SLC14A2: variants seen among roughly 807,000 people sequenced by gnomAD.
SLC14A2 encodes urea transporter 2.
SLC14A2 carries 91 observed loss-of-function variants against 104.6 expected under a neutral mutation model. That is an observed-to-expected ratio of 0.87 (90% CI 0.73 to 1.04). SLC14A2 has a LOEUF of 1.04. Among genes scored for constraint, SLC14A2 ranks in the 50% least tolerant of loss-of-function variants. The pLI, the probability that SLC14A2 is intolerant of heterozygous loss-of-function variation, is 0.00. For missense variants in SLC14A2, 1,189 were observed against 1,156.0 expected, an observed-to-expected ratio of 1.03 and a Z score of -0.41; for synonymous variants, 476 against 466.4, an observed-to-expected ratio of 1.02 and a Z score of -0.27.
At chr18:45,399,216 C>T (rs923224580) in intron 1 of SLC14A2, among the ~76,000 whole-genome samples, 3 of 152,154 alleles carry the variant, frequency 2.0e-5, no homozygotes, top group African/African-American at 7.2e-5. Flanking sequence ...AGTCTGGCTT[C>T]TGAGTTTATG....
intron 1 of SLC14A2, among the ~76,000 whole-genome samples, chr18:45,361,941 CTA>C (rs2085615951): frequency 6.6e-6 from 1 of 152,226 alleles, no homozygotes; most frequent in Non-Finnish European, 1.5e-5. Context: ...CCGCTTTAGA[CTA>C]TGAATCACTG....
intron 1 of SLC14A2, among the ~76,000 whole-genome samples, chr18:45,360,889 T>A (rs116220764): frequency 1.1e-4 from 16 of 152,342 alleles, no homozygotes; most frequent in African/African-American, 3.6e-4. Flanking sequence ...AAAGTTTATC[T>A]GAAACATTCC....
intron 1 of SLC14A2, among the ~76,000 whole-genome samples, chr18:45,231,264 G>T (rs1413924612): frequency 6.6e-6 from 1 of 152,104 alleles, no homozygotes; most frequent in African/African-American, 2.4e-5. Flanking sequence ...GAGTGGTGAT[G>T]AAATCATAGC....
intron 1 of SLC14A2, among the ~76,000 whole-genome samples, chr18:45,322,257 G>T (rs1056983648): frequency 6.6e-6 from 1 of 152,134 alleles, no homozygotes; most frequent in African/African-American, 2.4e-5. Flanking sequence ...GACATATACT[G>T]GTTAGGTCAA....
chr18:45,606,809 G>C (rs1458414975), intron 2 of SLC14A2, among the ~76,000 whole-genome samples: 1 of 150,082 alleles, frequency 6.7e-6, no homozygotes, highest in Non-Finnish European at 1.5e-5. Context: ...CTAATTTTTA[G>C]TTATCTAGCC....
intron 1 of SLC14A2, among the ~76,000 whole-genome samples, chr18:45,375,380 C>T (rs757334959): frequency 3.9e-5 from 6 of 152,156 alleles, no homozygotes; most frequent in Admixed American, 6.5e-5. Flanking sequence ...GCTGGCACCA[C>T]CCAGATCGAT....
At chr18:45,526,444 G>T (rs1842539384) in intron 2 of SLC14A2, among the ~76,000 whole-genome samples, 1 of 152,160 alleles carries the variant, frequency 6.6e-6, no homozygotes, top group African/African-American at 2.4e-5. Flanking sequence ...AAAAACACCA[G>T]ACTAAGTCTG....
At chr18:45,410,446 C>G (rs992669560) in intron 1 of SLC14A2, among the ~76,000 whole-genome samples, 15 of 152,030 alleles carry the variant, frequency 9.9e-5, no homozygotes, top group African/African-American at 3.6e-4. Context: ...ACTAAATATG[C>G]GTTACTGCCT....
At chr18:45,598,545 A>G (rs550901086) in intron 2 of SLC14A2, among the ~76,000 whole-genome samples, 1 of 152,352 alleles carries the variant, frequency 6.6e-6, no homozygotes, top group East Asian at 1.9e-4. Context: ...GTATTGAGAT[A>G]AATATAATGC....
intron 2 of SLC14A2, among the ~76,000 whole-genome samples, chr18:45,511,016 T>A (rs902932591): frequency 6.6e-6 from 1 of 152,092 alleles, no homozygotes; most frequent in Admixed American, 6.5e-5. Context: ...GGCCAAGAGG[T>A]CAGCCATCCA....
At chr18:45,414,757 AATATATATATATATAT>A (rs71177674) in intron 1 of SLC14A2, among the ~76,000 whole-genome samples, 6 of 76,098 alleles carry the variant, frequency 7.9e-5, no homozygotes, top group Middle Eastern at 9.1e-3. Context: ...AAAAAAAAAA[AATATATATATATATAT>A]ATATATATAT....
At chr18:45,494,719 C>A (rs1050793314) in intron 2 of SLC14A2, among the ~76,000 whole-genome samples, 1 of 151,988 alleles carries the variant, frequency 6.6e-6, no homozygotes, top group Non-Finnish European at 1.5e-5. Flanking sequence ...TCATCTTTGA[C>A]TCCTCTTTCT....
At chr18:45,576,572 T>C (rs1334067445) in intron 2 of SLC14A2, among the ~76,000 whole-genome samples, 1 of 152,034 alleles carries the variant, frequency 6.6e-6, no homozygotes, top group Non-Finnish European at 1.5e-5. Context: ...AATGAGCCAC[T>C]GGAGCAGGGG....
At chr18:45,280,566 T>C (rs1162258069) in intron 1 of SLC14A2, among the ~76,000 whole-genome samples, 1 of 152,160 alleles carries the variant, frequency 6.6e-6, no homozygotes, top group Non-Finnish European at 1.5e-5. Context: ...GTCTCCATTC[T>C]GGGTGATGTG....
At chr18:45,588,758 AG>A (rs1299694893) in intron 2 of SLC14A2, among the ~76,000 whole-genome samples, 4 of 152,202 alleles carry the variant, frequency 2.6e-5, no homozygotes, top group Non-Finnish European at 5.9e-5. Context: ...AAAGCATTAG[AG>A]GGCCCAGAGG....
At chr18:45,614,446 C>T (rs2045025974), upstream of SLC14A2, among the ~76,000 whole-genome samples, 1 of 152,116 alleles carries the variant, frequency 6.6e-6, no homozygotes, top group Non-Finnish European at 1.5e-5. Flanking sequence ...ACTCCAGACC[C>T]CAGAATGGTA....
chr18:45,558,980 G>A (rs539552376), intron 2 of SLC14A2, among the ~76,000 whole-genome samples: 17 of 152,018 alleles, frequency 1.1e-4, no homozygotes, highest in South Asian at 2.1e-4. Context: ...TAGTAGAGAC[G>A]GGGTTTCACC....
intron 1 of SLC14A2, among the ~76,000 whole-genome samples, chr18:45,255,617 G>A (rs2144086137): frequency 6.6e-6 from 1 of 152,322 alleles, no homozygotes; most frequent in South Asian, 2.1e-4. Context: ...GTCAACAGCA[G>A]GTCTGCTCAG....
In SLC14A2 at chr18:45,322,825, T is replaced by G. The variant is rs2085198599; in HGVS notation, c.-125+109634T>G. Among the ~76,000 whole-genome samples, 3 of 152,172 alleles carry G rather than the reference T, an allele frequency of 2.0e-5. No homozygotes were observed. In the South Asian group the frequency reaches 6.2e-4, roughly 32 times the overall value. ...TCCCAGCCCAGCACTTTTTTTTCAC[T>G]TTATCAGAGACACCGAGGTTCTTTG... On this transcript the variant is annotated intron_variant, in intron 1 of 20. Coordinates refer to the SLC14A2 transcript ENST00000586448.
Sources: allele counts gnomAD v4.1 joint callset (sites outside exome capture counted in the v4.1 genomes callset), GRCh38; gene constraint gnomAD v4.1.1; transcripts MANE v1.5; gene names NCBI Gene and HGNC (gene_info 2026-07-23, HGNC 2026-07-21).